Variants in CDH24 observed in about 807,000 individuals in gnomAD.
The protein encoded by CDH24 is cadherin 24.
Under a neutral mutation model 71.2 loss-of-function variants are expected in CDH24, and 61 were observed. The observed-to-expected ratio is 0.86, with a 90% CI of 0.70 to 1.06. CDH24 has a LOEUF of 1.06. Ranked by LOEUF, CDH24 falls within the 50% of genes least tolerant of loss-of-function variation. The pLI, the probability that CDH24 is intolerant of heterozygous loss-of-function variation, is 0.00. For synonymous variants in CDH24, 440 were observed against 470.2 expected (o/e 0.94, Z 0.83); for missense variants, 961 against 1,083.7 (o/e 0.89, Z 1.59).
In CDH24 at chr14:23,049,972, C is replaced by CCA. The variant is rs1325220205; in HGVS notation, c.1364-31_1364-30dup. 7 of 1,604,224 alleles carry CCA rather than the reference C, an allele frequency of 4.4e-6. No individual in the cohort carries two copies. In the African/African-American group the frequency reaches 6.7e-5, roughly 15 times the overall value. ...AAGGCAGAACACCAAAACATACACG[C>CCA]CACACACACACCACACAGTTTACAC... is the stretch of plus-strand genomic sequence containing the variant. On this transcript the variant is annotated intron_variant, in intron 8 of 12. Transcript: ENST00000487137.
intron 7 of CDH24, among the ~76,000 whole-genome samples, chr14:23,053,056 G>A (rs1223507311): frequency 2.0e-5 from 3 of 152,176 alleles, no homozygotes; most frequent in Non-Finnish European, 4.4e-5. Context: ...TGGCCGGGGA[G>A]GGGGAAAGAG....
Position 23,055,047 on chromosome 14 carries a change from T to C in CDH24, c.496+12A>G. ...AGACGGGAACTGGGGCATTCAGAGCTGGGGTGCTCACCGACATTGGACATC... is the reference window on the plus strand; with the variant it reads ...AGACGGGAACTGGGGCATTCAGAGCCGGGGTGCTCACCGACATTGGACATC... On this transcript the variant is annotated intron_variant, in intron 3 of 12. Coordinates refer to ENST00000487137, the MANE Select transcript of CDH24 (RefSeq NM_144985.4). The surrounding 1 kb of genome is among the most constrained non-coding windows in gnomAD (Gnocchi z 4.1). The C allele has an allele frequency of 6.2e-7, 1 of 1,606,228 alleles. No individual in the cohort carries two copies. The highest frequency in any genetic ancestry group is 1.1e-5 in the South Asian group (1 of 90,642).
rs113554462 is a variant in CDH24 at position 23,055,501 on chromosome 14, G to A, written c.201+32C>T. On this transcript the variant is annotated intron_variant, in intron 2 of 12. Transcript: ENST00000487137. The surrounding 1 kb of genome is among the most constrained non-coding windows in gnomAD (Gnocchi z 4.1). Reference sequence around the variant, plus strand: ...GCAGGGCAGGGCCTGAGGGCTTGGTGTCAGAGTAGACATGGGAGGGGTCAT... The same window carrying A: ...GCAGGGCAGGGCCTGAGGGCTTGGTATCAGAGTAGACATGGGAGGGGTCAT... 2.4e-5 allele frequency: 39 copies of A among 1,609,798 alleles called. No individual in the cohort carries two copies. The African/African-American group carries it at 3.6e-4, about 15-fold the overall frequency.
chr14:23,052,474 G>A lies in CDH24; in HGVS notation c.1362C>T (p.Leu454=), dbSNP rs773910869. The A allele has an allele frequency of 1.1e-5, 17 of 1,613,452 alleles. No homozygotes were observed. The highest frequency in any genetic ancestry group is 3.3e-5 in the Admixed American group (2 of 59,992). ...WHNLTVLATE[L]DSSAQASRVQ... ...CCTTGTGGGCCCTGGAGTCCTCACC[G>A]AGCTCTGTAGCCAGCACAGTGAGGT... The change falls in exon 8 of 13, where the codon CTC becomes CTT. Residue 454 remains leucine, a splice_region_variant and synonymous_variant. Coordinates refer to ENST00000487137, the MANE Select transcript of CDH24 (RefSeq NM_144985.4).
At chr14:23,049,402 G>A (rs1052428604) in intron 10 of CDH24, 127 bp from the exon 11 acceptor site, 53 of 924,290 alleles carry the variant, frequency 5.7e-5, no homozygotes, top group Non-Finnish European at 7.8e-5. Flanking sequence ...CCAGCCCATA[G>A]AGCCAGCTTC....
chr14:23,047,937 C>CCCGCTG lies in CDH24; in HGVS notation c.*37_*42dup. On this transcript the variant is annotated 3_prime_UTR_variant, in exon 12 of 13. Transcript: ENST00000487137. ...GTGGGGCTCACTCAGAGGGCCTGTG[C>CCCGCTG]CCGCTGCCCCCCCCCCGCGGTGGGC... is the stretch of plus-strand genomic sequence containing the variant. 2 of 1,281,254 alleles carry CCCGCTG rather than the reference C, an allele frequency of 1.6e-6. No individual in the cohort carries two copies. The highest frequency in any genetic ancestry group is 2.3e-5 in the South Asian group (1 of 43,618). 79.4% of individuals were successfully genotyped at this position (1,281,254 alleles called of 1,614,324 possible). A position where few individuals can be genotyped will look rare whatever the true frequency, so the allele number is the denominator to read the frequency against.
At chr14:23,050,493 C>CCACACACACACACA (rs10553168) in intron 8 of CDH24, among the ~76,000 whole-genome samples, 21 of 144,882 alleles carry the variant, frequency 1.4e-4, no homozygotes, top group African/African-American at 4.6e-4. Context: ...CATATACACA[C>CCACACACACACACA]CACACACACA....
In CDH24 at chr14:23,048,277, G is replaced by A. The variant is rs746093683; in HGVS notation, c.2049C>T (p.Asp683=). The change falls in exon 12 of 13, where the codon GAC becomes GAT. Residue 683 remains aspartate (D), a synonymous_variant. Coordinates refer to ENST00000487137, the MANE Select transcript of CDH24 (RefSeq NM_144985.4). ...GCGACACCCGGGCCCGGGGCAACACGTCTCGGCGCGCGGGAGGGCCGGGCG... is the reference window on the plus strand; with the variant it reads ...GCGACACCCGGGCCCGGGGCAACACATCTCGGCGCGCGGGAGGGCCGGGCG... ...PPAPGPPARR[D]VLPRARVSRQ... The A allele has an allele frequency of 1.3e-6, 2 of 1,564,800 alleles. No homozygotes were observed. The highest frequency in any genetic ancestry group is 1.7e-6 in the Non-Finnish European group (2 of 1,160,996).
At chr14:23,056,754 C>A (rs1032247584) in intron 1 of CDH24, among the ~76,000 whole-genome samples, 1 of 151,692 alleles carries the variant, frequency 6.6e-6, no homozygotes, top group Non-Finnish European at 1.5e-5. Flanking sequence ...GGAGAAGGAG[C>A]AGACAGGAGG....
chr14:23,048,650 T>G (rs1047406655), intron 11 of CDH24, among the ~76,000 whole-genome samples, 171 bp from the exon 12 acceptor site: 3 of 152,228 alleles, frequency 2.0e-5, no homozygotes, highest in African/African-American at 7.2e-5. Flanking sequence ...TATGTGACCA[T>G]GGGAAGTTGC....
chr14:23,053,552 C>A lies in CDH24; in HGVS notation c.1170G>T (p.Gly390=). Reference sequence around the variant, plus strand: ...CCGCGGAGATCTGGCCTACCAGGGTCCCCGGGGCCTTGTTCTCAGGCACTG... The same window carrying A: ...CCGCGGAGATCTGGCCTACCAGGGTACCCGGGGCCTTGTTCTCAGGCACTG... ...HLTVPENKAP[G]TLVGQISAAD... is the part of the protein sequence containing the mutation. Residue 390 remains glycine (G), a synonymous_variant, in exon 7 of 13, where the codon GGG becomes GGT. Transcript: ENST00000487137. The A allele has an allele frequency of 6.2e-7, 1 of 1,608,448 alleles. No homozygotes were observed. The highest frequency in any genetic ancestry group is 8.5e-7 in the Non-Finnish European group (1 of 1,175,738).
At chr14:23,048,531 C>A (rs766940910) in intron 11 of CDH24, 52 bp from the exon 12 acceptor site, 2 of 1,580,014 alleles carry the variant, frequency 1.3e-6, no homozygotes, top group Middle Eastern at 1.7e-4. Context: ...CGGGAGCGGG[C>A]GGCCTGTCTC....
At position 23,055,169 on chromosome 14, in the gene CDH24, G is replaced by A; in HGVS notation, c.386C>T (p.Pro129Leu). 4 of 1,614,158 alleles carry A rather than the reference G, an allele frequency of 2.5e-6. No homozygotes were observed. Among genetic ancestry groups the A allele is most frequent in the Non-Finnish European group, 3.4e-6 (4 of 1,180,016 alleles). ...AQAVDRASNRPLEPPSEFIIK... is the reference protein window; with the variant it reads ...AQAVDRASNRLLEPPSEFIIK... The stretch of plus-strand genomic sequence containing the variant: ...GATGAACTCTGATGGGGGCTCCAGG[G>A]GCCGGTTGGAGGCTCGGTCCACGGC... The change falls in exon 3 of 13, where the codon CCC becomes CTC. Residue 129 changes from proline to leucine, a missense_variant. By Grantham distance (98) the Pro-to-Leu change is moderately conservative (BLOSUM62 -3). Around this residue, in one of 2 missense-constraint regions of CDH24, gnomAD observed 671 missense variants for 810.9 expected, o/e 0.83. Coordinates refer to ENST00000487137, the MANE Select transcript of CDH24 (RefSeq NM_144985.4). The surrounding 1 kb of genome is among the most constrained non-coding windows in gnomAD (Gnocchi z 4.1).
rs907643960 is a variant in CDH24, at chr14:23,049,294, G to A, written c.1598-19C>T. ...GAGCCATCTGTGGGAGAGGGAAGGT[G>A]TTGAGGTATCTTCTGGGACACCTTC... On this transcript the variant is annotated intron_variant, in intron 10 of 12. Transcript: ENST00000487137. 2 of 1,560,034 alleles carry A rather than the reference G, an allele frequency of 1.3e-6. No individual in the cohort carries two copies. The highest frequency in any genetic ancestry group is 1.9e-5 in the Admixed American group (1 of 52,826).
rs2047066156 is a variant in CDH24, at chr14:23,049,271, G to C, written c.1602C>G (p.Gly534=). 4 of 1,570,270 alleles carry C rather than the reference G, an allele frequency of 2.5e-6. No homozygotes were observed. The African/African-American group carries it at 5.4e-5, about 21-fold the overall frequency. Residue 534 remains glycine (G), a synonymous_variant, in exon 11 of 13, where the codon GGC becomes GGG. Coordinates refer to ENST00000487137, the MANE Select transcript of CDH24 (RefSeq NM_144985.4). ...ANFTVQDNRD[G]SASLLLPSRP... ...GGGAGGGCAGCAGCAGGCTGGCGGAGCCATCTGTGGGAGAGGGAAGGTGTT... is the reference window on the plus strand; with the variant it reads ...GGGAGGGCAGCAGCAGGCTGGCGGACCCATCTGTGGGAGAGGGAAGGTGTT...
intron 8 of CDH24, chr14:23,052,077 C>G: frequency 3.2e-6 from 5 of 1,551,834 alleles, no homozygotes; most frequent in Non-Finnish European, 2.6e-6. Context: ...TGGCCCCCAG[C>G]TCCAGCCTGA....
At position 23,054,221 on chromosome 14, in the gene CDH24, T is replaced by G; in HGVS notation, c.892A>C (p.Ile298Leu). ...LGDNALMAYS[I>L]LDGEGSEAFS... ...GCCTCAGACCCCTCCCCATCCAGGA[T>G]GCTGTATGCCATCAGGGCGTTGTCC... Residue 298 changes from isoleucine (I) to leucine (L), a missense_variant, in exon 6 of 13, where the codon ATC becomes CTC. Physicochemically the swap from Ile to Leu is conservative, Grantham distance 5 (BLOSUM62 2). Around this residue, in one of 2 missense-constraint regions of CDH24, gnomAD observed 671 missense variants for 810.9 expected, o/e 0.83. Transcript: ENST00000487137. This position sits in a 1 kb window ranked among gnomAD's most constrained non-coding sequence, Gnocchi z 5.2. The G allele has an allele frequency of 6.2e-7, 1 of 1,613,718 alleles. No individual in the cohort carries two copies. Among genetic ancestry groups the G allele is most frequent in the Middle Eastern group, 1.7e-4 (1 of 6,058 alleles).
In CDH24 at chr14:23,054,055, C is replaced by T. The variant is rs1374865349; in HGVS notation, c.972+86G>A. On this transcript the variant is annotated intron_variant, in intron 6 of 12. Coordinates refer to ENST00000487137, the MANE Select transcript of CDH24 (RefSeq NM_144985.4). The surrounding 1 kb of genome is among the most constrained non-coding windows in gnomAD (Gnocchi z 5.2). ...AAGCTCCAACAGAGAGATCCTGAGT[C>T]TGTTCTAGAAGAACAGTTAAATATG... 2 of 1,374,146 alleles carry T rather than the reference C, an allele frequency of 1.5e-6. No individual in the cohort carries two copies. Among genetic ancestry groups the T allele is most frequent in the Non-Finnish European group, 2.0e-6 (2 of 1,016,398 alleles). 85.1% of individuals were successfully genotyped at this position (1,374,146 alleles called of 1,614,324 possible). A position where few individuals can be genotyped will look rare whatever the true frequency, so the allele number is the denominator to read the frequency against.
In CDH24 at chr14:23,056,122, T is replaced by C. The variant is rs181967503; in HGVS notation, c.-124-265A>G. Among the ~76,000 whole-genome samples the C allele has an allele frequency of 1.4e-3, 220 of 152,278 alleles. 3 individuals are homozygous for C. Among genetic ancestry groups the C allele is most frequent in the African/African-American group, 4.9e-3 (202 of 41,578 alleles). The stretch of plus-strand genomic sequence containing the variant: ...ACAGGAGAGGGGATGCTGGGAGGGC[T>C]TGGAATCCCAAATCTGGTCTCTGTC... On this transcript the variant is annotated intron_variant, in intron 1 of 12. Transcript: ENST00000487137.
Sources: allele counts gnomAD v4.1 joint callset (sites outside exome capture counted in the v4.1 genomes callset), GRCh38; gene constraint gnomAD v4.1.1; regional missense constraint gnomAD v4.1.1; non-coding constraint Gnocchi (gnomAD v3.1); transcripts MANE v1.5; gene names NCBI Gene and HGNC (gene_info 2026-07-23, HGNC 2026-07-21).